The following GABRA3 variants were observed in gnomAD, a reference collection of about 807,000 sequenced individuals.
The protein encoded by GABRA3 is gamma-aminobutyric acid receptor subunit alpha-3.
GABRA3 carries 10 observed loss-of-function variants against 30.1 expected under a neutral mutation model. The ratio of observed to expected loss-of-function variants is 0.33; its 90% CI spans 0.20 to 0.56. The LOEUF is 0.56. Ranked by LOEUF, GABRA3 falls within the 20% of genes least tolerant of loss-of-function variation. GABRA3 has a pLI of 0.89. For synonymous variants in GABRA3, 151 were observed against 146.8 expected (o/e 1.03, Z -0.21); for missense variants, 233 against 392.0 (o/e 0.59, Z 3.42).
intron 9 of GABRA3, among the ~76,000 whole-genome samples, chrX:152,182,312 TACAC>T (rs72009096): frequency 2.4e-4 from 21 of 89,291 alleles, no homozygotes; most frequent in East Asian, 3.5e-4. Context: ...TATATATATA[TACAC>T]ACACACACAC....
At chrX:152,227,682 G>A (rs1163617370) in intron 5 of GABRA3, among the ~76,000 whole-genome samples, 1 of 107,916 alleles carries the variant, frequency 9.3e-6, no homozygotes, top group Non-Finnish European at 1.9e-5. Flanking sequence ...AGGGACCCTG[G>A]TTGCCTGGAA....
At chrX:152,232,240 G>C (rs1200821147) in intron 5 of GABRA3, among the ~76,000 whole-genome samples, 1 of 110,106 alleles carries the variant, frequency 9.1e-6, no homozygotes, top group Non-Finnish European at 1.9e-5. Context: ...TTTCTTTTTA[G>C]AAAGCATGCT....
chrX:152,397,577 G>C (rs1043499625), intron 1 of GABRA3, among the ~76,000 whole-genome samples: 2 of 111,289 alleles, frequency 1.8e-5, no homozygotes, highest in Admixed American at 1.9e-4. Context: ...CAGACTATTT[G>C]TATTCCGAAT....
chrX:152,207,119 G>A (rs1937557334), intron 7 of GABRA3, among the ~76,000 whole-genome samples: 2 of 111,464 alleles, frequency 1.8e-5, no homozygotes, highest in African/African-American at 6.5e-5. Flanking sequence ...TGATTCTGAG[G>A]TGGAGGGAAA....
intron 5 of GABRA3, among the ~76,000 whole-genome samples, chrX:152,239,195 C>T (rs1481951051): frequency 5.1e-5 from 5 of 97,635 alleles, no homozygotes; most frequent in Non-Finnish European, 1.0e-4. Flanking sequence ...TATGTTGTGT[C>T]TTTGTTCTCG....
intron 3 of GABRA3, among the ~76,000 whole-genome samples, chrX:152,289,530 A>G (rs1314211400): frequency 9.5e-6 from 1 of 105,199 alleles, no homozygotes; most frequent in Non-Finnish European, 1.9e-5. Context: ...CTTTTTTTAA[A>G]TTATACTTTA....
intron 2 of GABRA3, among the ~76,000 whole-genome samples, chrX:152,348,554 A>T (rs1444517623): frequency 9.0e-6 from 1 of 111,685 alleles, no homozygotes; most frequent in Non-Finnish European, 1.9e-5. Context: ...AATTCACAGG[A>T]CCAGAATCAA....
chrX:152,244,559 A>C (rs746809797), intron 5 of GABRA3, among the ~76,000 whole-genome samples: 1 of 111,694 alleles, frequency 9.0e-6, no homozygotes, highest in Admixed American at 9.5e-5. Flanking sequence ...CCTGACCTCA[A>C]GAACAGTGAG....
chrX:152,281,920 G>T (rs1939205727), intron 4 of GABRA3, among the ~76,000 whole-genome samples: 1 of 112,073 alleles, frequency 8.9e-6, no homozygotes, highest in South Asian at 3.7e-4. Context: ...CCTCAGATTT[G>T]ATTTGTTCCT....
intron 9 of GABRA3, among the ~76,000 whole-genome samples, chrX:152,181,186 T>G (rs1603199633): frequency 8.9e-6 from 1 of 111,975 alleles, no homozygotes; most frequent in Admixed American, 9.5e-5. Flanking sequence ...TATCTTTCCA[T>G]TTATTTGTGT....
At chrX:152,293,569 C>G (rs1411586054) in intron 3 of GABRA3, among the ~76,000 whole-genome samples, 1 of 110,786 alleles carries the variant, frequency 9.0e-6, no homozygotes, top group Non-Finnish European at 1.9e-5. Context: ...TTAAGGTTAA[C>G]AACTGTTAAC....
chrX:152,395,087 G>A (rs758987072), intron 1 of GABRA3, among the ~76,000 whole-genome samples: 5 of 110,481 alleles, frequency 4.5e-5, no homozygotes, highest in Non-Finnish European at 9.5e-5. Flanking sequence ...TAATGACTTT[G>A]GCCCAAGAGA....
chrX:152,341,822 G>A (rs1037711188), intron 3 of GABRA3, among the ~76,000 whole-genome samples: 1 of 110,929 alleles, frequency 9.0e-6, no homozygotes, highest in East Asian at 2.8e-4. Context: ...TTACAGGCAT[G>A]AGCCACCATG....
rs933290576 is a variant in GABRA3 at position 152,391,265 on chromosome X, T to C, written c.-26-26669A>G. 5.4e-5 allele frequency among the ~76,000 whole-genome samples: 6 copies of C among 111,819 alleles called. No homozygotes were observed. In the East Asian group the frequency reaches 8.4e-4, roughly 16 times the overall value. ...TGACAACTGCATTTTTACACAACCA[T>C]AGTGTATGAGCGAAAGTCTATAGTA... is the stretch of plus-strand genomic sequence containing the variant. On this transcript the variant is annotated intron_variant, in intron 1 of 9. Coordinates refer to ENST00000370314, the MANE Select transcript of GABRA3 (RefSeq NM_000808.4).
At chrX:152,317,656 C>T (rs1487419703) in intron 3 of GABRA3, among the ~76,000 whole-genome samples, 4 of 111,641 alleles carry the variant, frequency 3.6e-5, no homozygotes, top group Admixed American at 9.5e-5. Flanking sequence ...TAAATCAACT[C>T]CAAAAGGAAC....
chrX:152,271,482 A>G (rs1039918230), intron 4 of GABRA3, among the ~76,000 whole-genome samples: 1 of 112,417 alleles, frequency 8.9e-6, no homozygotes, highest in Admixed American at 9.4e-5. Flanking sequence ...TGTATCTGGC[A>G]GAAGAAATTT....
chrX:152,224,920 A>G (rs1937910146), intron 5 of GABRA3, 75 bp from the exon 6 acceptor site: 1 of 688,102 alleles, frequency 1.5e-6, no homozygotes, highest in Admixed American at 2.7e-5. Context: ...ATTCCCACTC[A>G]GTTCCTAAGA....
At chrX:152,313,156 T>C (rs1939823929) in intron 3 of GABRA3, among the ~76,000 whole-genome samples, 1 of 111,970 alleles carries the variant, frequency 8.9e-6, no homozygotes, top group Admixed American at 9.5e-5. Context: ...GAAAAAAATA[T>C]GGATTGACAG....
intron 6 of GABRA3, among the ~76,000 whole-genome samples, chrX:152,222,915 C>T (rs950539690): frequency 1.8e-5 from 2 of 109,307 alleles, no homozygotes; most frequent in Non-Finnish European, 3.8e-5. Context: ...TGCTTTTCAA[C>T]TTTTTTCATA....
Sources: allele counts gnomAD v4.1 joint callset (sites outside exome capture counted in the v4.1 genomes callset), GRCh38; gene constraint gnomAD v4.1.1; transcripts MANE v1.5; gene names NCBI Gene and HGNC (gene_info 2026-07-23, HGNC 2026-07-21).